Variants in DCC observed in about 807,000 individuals in gnomAD.
The protein encoded by DCC is netrin receptor DCC.
Under a neutral mutation model 172.5 loss-of-function variants are expected in DCC, and 58 were observed. The observed-to-expected ratio is 0.34, with a 90% confidence interval of 0.27 to 0.42. The LOEUF is 0.42. Ranked by LOEUF, DCC falls within the 10% of genes least tolerant of loss-of-function variation. The pLI is 1.00. For missense variants in DCC, 1,740 were observed against 1,791.0 expected, an observed-to-expected ratio of 0.97 and a Z score of 0.51; for synonymous variants, 709 against 644.5, an observed-to-expected ratio of 1.10 and a Z score of -1.52.
chr18:52,826,591 C>G (rs1012109419), intron 2 of DCC, among the ~76,000 whole-genome samples: 11 of 152,090 alleles, frequency 7.2e-5, no homozygotes, highest in African/African-American at 2.4e-4. Flanking sequence ...AGCAACTCTC[C>G]GGCCTCAGCT....
At chr18:52,751,957 A>G (rs1352409475) in intron 1 of DCC, 97 bp from the exon 2 acceptor site, 4 of 1,058,798 alleles carry the variant, frequency 3.8e-6, no homozygotes, top group Admixed American at 4.0e-5. Flanking sequence ...CAAAGCCCTC[A>G]GCTTTTGTGA....
intron 5 of DCC, among the ~76,000 whole-genome samples, chr18:53,033,504 G>A (rs1450155352): frequency 6.6e-6 from 1 of 152,154 alleles, no homozygotes; most frequent in East Asian, 1.9e-4. Context: ...TCAGAAGAGA[G>A]TGTCCATGTA....
chr18:52,553,228 A>G (rs1320006762), intron 1 of DCC, among the ~76,000 whole-genome samples: 1 of 150,236 alleles, frequency 6.7e-6, no homozygotes. Context: ...ATATACATAT[A>G]CACACACACA....
chr18:52,619,077 A>C, intron 1 of DCC, among the ~76,000 whole-genome samples: 1 of 152,126 alleles, frequency 6.6e-6, no homozygotes, highest in East Asian at 1.9e-4. Flanking sequence ...AGCTGGGATT[A>C]CGGGCATGCA....
At chr18:52,396,157 A>G (rs985843242) in intron 1 of DCC, among the ~76,000 whole-genome samples, 1 of 151,800 alleles carries the variant, frequency 6.6e-6, no homozygotes, top group Non-Finnish European at 1.5e-5. Context: ...TTCTCTATGT[A>G]TTTCCCGTTA....
At chr18:52,894,722 C>A (rs544873984) in intron 2 of DCC, among the ~76,000 whole-genome samples, 1 of 152,002 alleles carries the variant, frequency 6.6e-6, no homozygotes, top group Non-Finnish European at 1.5e-5. Flanking sequence ...AGTCTCAGTT[C>A]AAAGGCAAGA....
At chr18:53,170,231 A>AT (rs1230664473) in intron 8 of DCC, among the ~76,000 whole-genome samples, 2 of 152,214 alleles carry the variant, frequency 1.3e-5, no homozygotes, top group Admixed American at 6.5e-5. Flanking sequence ...ATCAGATACC[A>AT]TAAGACTATC....
intron 7 of DCC, among the ~76,000 whole-genome samples, chr18:53,069,901 G>A (rs1054398616): frequency 5.3e-5 from 8 of 151,644 alleles, no homozygotes; most frequent in African/African-American, 1.7e-4. Context: ...TCTCATTGAG[G>A]TGTTTGTGTG....
At chr18:53,527,751 A>T (rs897850119) in intron 28 of DCC, among the ~76,000 whole-genome samples, 2 of 152,062 alleles carry the variant, frequency 1.3e-5, no homozygotes, top group African/African-American at 4.8e-5. Context: ...TCAAAAAGAC[A>T]TTGCCTAAAG....
chr18:53,495,755 A>G (rs1012356459), intron 26 of DCC, among the ~76,000 whole-genome samples: 1 of 152,202 alleles, frequency 6.6e-6, no homozygotes, highest in Non-Finnish European at 1.5e-5. Context: ...AGGTACACCA[A>G]TCAGACGTAG....
intron 12 of DCC, among the ~76,000 whole-genome samples, chr18:53,274,116 A>G (rs1410330166): frequency 6.6e-6 from 1 of 152,192 alleles, no homozygotes; most frequent in African/African-American, 2.4e-5. Flanking sequence ...ACCTTTTCTC[A>G]GTGACACTAT....
Position 52,675,927 on chromosome 18 carries a change from T to C in DCC, c.92-76127T>C, listed in dbSNP as rs189775590. ...TGCCTCCCATTTCCAGCTCTTTGAC[T>C]ATGTGGGTAGATAACCTTCAGCAAA... On this transcript the variant is annotated intron_variant, in intron 1 of 28. Transcript: ENST00000442544. 7.2e-5 allele frequency among the ~76,000 whole-genome samples: 11 copies of C among 152,354 alleles called. No homozygotes were observed. The East Asian group carries it at 2.1e-3, about 29-fold the overall frequency.
At chr18:52,921,957 G>T (rs1329519348) in intron 3 of DCC, among the ~76,000 whole-genome samples, 1 of 151,856 alleles carries the variant, frequency 6.6e-6, no homozygotes, top group Non-Finnish European at 1.5e-5. Flanking sequence ...TAATATCAAG[G>T]CAACTATTTG....
intron 1 of DCC, among the ~76,000 whole-genome samples, chr18:52,624,063 C>T (rs1044285166): frequency 2.0e-5 from 3 of 152,148 alleles, no homozygotes; most frequent in Non-Finnish European, 2.9e-5. Flanking sequence ...TTCAAGGGCA[C>T]ATAACAATTT....
At chr18:52,512,390 T>A (rs2031475693) in intron 1 of DCC, among the ~76,000 whole-genome samples, 1 of 152,162 alleles carries the variant, frequency 6.6e-6, no homozygotes, top group Non-Finnish European at 1.5e-5. Context: ...TACATCTTAT[T>A]AGAAGGGTAA....
chr18:52,638,793 GTCA>G (rs1267462303), intron 1 of DCC, among the ~76,000 whole-genome samples: 1 of 152,046 alleles, frequency 6.6e-6, no homozygotes, highest in Non-Finnish European at 1.5e-5. Flanking sequence ...CACTAGACAG[GTCA>G]TCAAGACAAA....
intron 1 of DCC, among the ~76,000 whole-genome samples, chr18:52,408,660 C>T (rs1986739579): frequency 6.6e-6 from 1 of 152,070 alleles, no homozygotes; most frequent in Admixed American, 6.6e-5. Context: ...AAGCATCAAG[C>T]ATCTATAGCT....
At chr18:52,366,036 T>C (rs1984834091) in intron 1 of DCC, among the ~76,000 whole-genome samples, 1 of 152,218 alleles carries the variant, frequency 6.6e-6, no homozygotes, top group Non-Finnish European at 1.5e-5. Flanking sequence ...TACAACTCTA[T>C]ATATTACTTG....
chr18:52,707,442 T>C (rs1046325676), intron 1 of DCC, among the ~76,000 whole-genome samples: 2 of 152,208 alleles, frequency 1.3e-5, no homozygotes, highest in Admixed American at 6.5e-5. Flanking sequence ...ATAGAAAACA[T>C]AGGGAGATTC....
Sources: gnomAD v4.1 joint callset for allele counts (sites outside exome capture counted in the v4.1 genomes callset) on GRCh38, gnomAD v4.1.1 for gene constraint, MANE v1.5 for transcripts, NCBI Gene and HGNC (gene_info 2026-07-23, HGNC 2026-07-21) for gene names.